Variants in LAMA3 observed in about 807,000 individuals in gnomAD.
The protein encoded by LAMA3 is laminin subunit alpha 3.
LAMA3 carries 281 observed loss-of-function variants against 402.0 expected under a neutral mutation model. That is an observed-to-expected ratio of 0.70 (90% CI 0.63 to 0.77). The LOEUF (loss-of-function observed/expected upper bound fraction) is 0.77. Among genes scored for constraint, LAMA3 ranks in the 30% least tolerant of loss-of-function variants. LAMA3 has a pLI of 0.00. For synonymous variants in LAMA3, 1,431 were observed against 1,558.4 expected (o/e 0.92, Z 1.93); for missense variants, 3,840 against 4,215.5 (o/e 0.91, Z 2.47).
intron 12 of LAMA3, among the ~76,000 whole-genome samples, chr18:23,793,849 G>A (rs1022477647): frequency 2.6e-5 from 4 of 152,216 alleles, no homozygotes; most frequent in Non-Finnish European, 4.4e-5. Flanking sequence ...CTCACCATCA[G>A]TTGCAAGCCT....
intron 40 of LAMA3, 34 bp downstream of exon 40, chr18:23,882,079 C>T (rs2064917080): frequency 6.7e-7 from 1 of 1,494,266 alleles, no homozygotes; most frequent in Non-Finnish European, 9.3e-7. Flanking sequence ...CTACAGGGAC[C>T]CAAAGTCGTT....
chr18:23,819,513 T>C (rs1192281597), intron 18 of LAMA3, among the ~76,000 whole-genome samples: 4 of 152,198 alleles, frequency 2.6e-5, no homozygotes, highest in Non-Finnish European at 4.4e-5. Context: ...ATTAAATAAA[T>C]AAACAGTAAA....
chr18:23,709,735 T>C, intron 1 of LAMA3: 1 of 488,952 alleles, frequency 2.0e-6, no homozygotes, highest in Non-Finnish European at 3.8e-6. Context: ...GTCCCATGGA[T>C]TCTTTTCTCT....
At chr18:23,698,136 G>A (rs914180083) in intron 1 of LAMA3, among the ~76,000 whole-genome samples, 2 of 150,860 alleles carry the variant, frequency 1.3e-5, no homozygotes, top group African/African-American at 4.9e-5. Context: ...GAATTTGTGG[G>A]AGGGGGTGGG....
intron 67 of LAMA3, among the ~76,000 whole-genome samples, chr18:23,937,466 CAGA>C (rs749808838): frequency 6.7e-6 from 1 of 150,046 alleles, no homozygotes; most frequent in Non-Finnish European, 1.5e-5. Flanking sequence ...ATATGTCACA[CAGA>C]AGAAGAGTAG....
At position 23,693,794 on chromosome 18, in the gene LAMA3, T is replaced by G. The variant is rs2060636438; in HGVS notation, c.294+3817T>G. 2.0e-5 allele frequency among the ~76,000 whole-genome samples: 3 copies of G among 152,218 alleles called. No homozygotes were observed. The South Asian group carries it at 6.2e-4, about 32-fold the overall frequency. ...TTCCAAATCATACATTTATTCCTGGTTGTAATTTAGGCATTTATGAAACCT... is the reference window on the plus strand; with the variant it reads ...TTCCAAATCATACATTTATTCCTGGGTGTAATTTAGGCATTTATGAAACCT... On this transcript the variant is annotated intron_variant, in intron 1 of 74. Transcript: ENST00000313654.
rs913604630 is a variant in LAMA3 at position 23,879,410 on chromosome 18, C to T, written c.5113-2526C>T. ...CGCTCAGTGAATCCCTGTCCTTCTG[C>T]GGCCCTCGCAGGCAGCCCCTCCTCC... On this transcript the variant is annotated intron_variant, in intron 39 of 74. Coordinates refer to ENST00000313654, the MANE Select transcript of LAMA3 (RefSeq NM_198129.4). The surrounding 1 kb of genome is among the most constrained non-coding windows in gnomAD (Gnocchi z 4.2). 2.0e-5 allele frequency among the ~76,000 whole-genome samples: 3 copies of T among 152,216 alleles called. No homozygotes were observed. Among genetic ancestry groups the T allele is most frequent in the Non-Finnish European group, 2.9e-5 (2 of 68,044 alleles).
chr18:23,822,157 C>A, intron 19 of LAMA3, 95 bp from the exon 20 acceptor site: 1 of 1,348,864 alleles, frequency 7.4e-7, no homozygotes, highest in Non-Finnish European at 1.1e-6. Flanking sequence ...ATTACAAGTC[C>A]AGTAGTGACA....
intron 11 of LAMA3, among the ~76,000 whole-genome samples, chr18:23,779,801 C>A (rs1334358581): frequency 2.0e-5 from 3 of 152,188 alleles, no homozygotes; most frequent in East Asian, 3.9e-4. Flanking sequence ...TGGGTGGCAC[C>A]AAAGGCCCCC....
intron 2 of LAMA3, among the ~76,000 whole-genome samples, chr18:23,715,037 T>A (rs933303856): frequency 6.6e-6 from 1 of 152,212 alleles, no homozygotes; most frequent in African/African-American, 2.4e-5. Flanking sequence ...ATTCCATTTA[T>A]ATGGAATGTC....
chr18:23,886,992 C>A (rs1184812084), intron 41 of LAMA3, among the ~76,000 whole-genome samples: 1 of 152,156 alleles, frequency 6.6e-6, no homozygotes, highest in Non-Finnish European at 1.5e-5. Flanking sequence ...AATTCTATGG[C>A]AAAAGATGGT....
intron 12 of LAMA3, among the ~76,000 whole-genome samples, chr18:23,809,577 T>C (rs954814122): frequency 1.3e-5 from 2 of 152,094 alleles, no homozygotes; most frequent in Non-Finnish European, 2.9e-5. Context: ...CCCATAGAAG[T>C]CTAGTCTCAT....
intron 2 of LAMA3, among the ~76,000 whole-genome samples, chr18:23,721,288 T>C (rs1319205525): frequency 6.6e-6 from 1 of 152,246 alleles, no homozygotes; most frequent in Middle Eastern, 3.2e-3. Context: ...TTTCTCATCA[T>C]GTCCAAACAC....
At chr18:23,922,963 TAGGAGGAAGCTCAGGG>T (rs1277539556) in intron 62 of LAMA3, among the ~76,000 whole-genome samples, 1 of 151,962 alleles carries the variant, frequency 6.6e-6, no homozygotes, top group African/African-American at 2.4e-5. Flanking sequence ...ACGTGTGCCA[TAGGAGGAAGCTCAGGG>T]TGCTGACAGA....
chr18:23,772,738 T>C (rs930735545), intron 8 of LAMA3, among the ~76,000 whole-genome samples: 1 of 152,272 alleles, frequency 6.6e-6, no homozygotes, highest in Non-Finnish European at 1.5e-5. Flanking sequence ...TGTGTTTTTG[T>C]TCTTGTTAAC....
intron 36 of LAMA3, among the ~76,000 whole-genome samples, chr18:23,865,107 G>A (rs1446155219): frequency 2.0e-5 from 3 of 152,106 alleles, no homozygotes; most frequent in Non-Finnish European, 2.9e-5. Flanking sequence ...GTACTTAACC[G>A]TATTTTGCTT....
Position 23,907,768 on chromosome 18 carries a change from C to A in LAMA3, c.6848C>A (p.Ala2283Asp). 2 of 1,614,144 alleles carry A rather than the reference C, an allele frequency of 1.2e-6. No individual in the cohort carries two copies. Among genetic ancestry groups the A allele is most frequent in the Non-Finnish European group, 1.7e-6 (2 of 1,180,012 alleles). Reference protein sequence around the residue: ...LHGIQRGDIDAMISSAKSMVR... With the variant: ...LHGIQRGDIDDMISSAKSMVR... ...GTGTGTGCATTAGGTGATATTGATG[C>A]TATGATCAGTAGTGCAAAGAGCATG... The change falls in exon 54 of 75, where the codon GCT becomes GAT. Residue 2283 changes from alanine to aspartate, a missense_variant. Coordinates refer to ENST00000313654, the MANE Select transcript of LAMA3 (RefSeq NM_198129.4).
At chr18:23,763,362 A>T (rs765053144) in intron 7 of LAMA3, 43 bp from the exon 8 acceptor site, 15 of 1,166,558 alleles carry the variant, frequency 1.3e-5, no homozygotes, top group Admixed American at 1.7e-5. Flanking sequence ...TAAGCGTCTG[A>T]TAGTAATAAT....
intron 1 of LAMA3, 33 bp downstream of exon 1, chr18:23,690,010 G>C: frequency 7.2e-7 from 1 of 1,379,652 alleles, no homozygotes; most frequent in Non-Finnish European, 9.5e-7. Flanking sequence ...GGGTGGGCGC[G>C]CCTTTTCCTT....
Sources: allele counts gnomAD v4.1 joint callset (sites outside exome capture counted in the v4.1 genomes callset), GRCh38; gene constraint gnomAD v4.1.1; non-coding constraint Gnocchi (gnomAD v3.1); transcripts MANE v1.5; gene names NCBI Gene and HGNC (gene_info 2026-07-23, HGNC 2026-07-21).